WSCD2: variants seen among roughly 807,000 people sequenced by gnomAD.
WSCD2 encodes the protein sialate:O-sulfotransferase 2.
In WSCD2, 28 loss-of-function variants were observed where a neutral mutation model predicts 55.7. That is an observed-to-expected ratio of 0.50 (90% confidence interval 0.37 to 0.69). The LOEUF is 0.69. Among genes scored for constraint, WSCD2 ranks in the 30% least tolerant of loss-of-function variants. The pLI, the probability that WSCD2 is intolerant of heterozygous loss-of-function variation, is 0.00. For synonymous variants in WSCD2, 301 were observed against 301.9 expected (o/e 1.00, Z 0.03); for missense variants, 616 against 762.1 (o/e 0.81, Z 2.26).
intron 8 of WSCD2, among the ~76,000 whole-genome samples, chr12:108,244,865 AT>A (rs1889978845): frequency 6.6e-6 from 1 of 152,008 alleles, no homozygotes; most frequent in Non-Finnish European, 1.5e-5. Flanking sequence ...AAATTTATTT[AT>A]TTTTATATAT....
chr12:108,140,390 G>T (rs1332825040), intron 1 of WSCD2, among the ~76,000 whole-genome samples: 1 of 152,178 alleles, frequency 6.6e-6, no homozygotes, highest in African/African-American at 2.4e-5. Flanking sequence ...ACATCATAGA[G>T]TGGTGAGGCA....
At chr12:108,207,462 C>T (rs543350842) in intron 3 of WSCD2, among the ~76,000 whole-genome samples, 8 of 151,538 alleles carry the variant, frequency 5.3e-5, no homozygotes, top group African/African-American at 1.9e-4. Context: ...CTCCGCCTCC[C>T]GGGTTCAAGC....
chr12:108,232,581 CAAGGA>C, intron 6 of WSCD2, 145 bp from the exon 7 acceptor site: 3 of 695,962 alleles, frequency 4.3e-6, no homozygotes, highest in Non-Finnish European at 7.0e-6. Context: ...AGCTGAGGCC[CAAGGA>C]AGCTTTCCCA....
intron 6 of WSCD2, among the ~76,000 whole-genome samples, chr12:108,229,003 A>G (rs985013300): frequency 2.0e-5 from 3 of 152,226 alleles, no homozygotes; most frequent in Non-Finnish European, 4.4e-5. Context: ...AGGTGGCCAG[A>G]ACAGACACTG....
chr12:108,211,466 C>T (rs1886129470), intron 4 of WSCD2, among the ~76,000 whole-genome samples: 1 of 152,058 alleles, frequency 6.6e-6, no homozygotes, highest in African/African-American at 2.4e-5. Flanking sequence ...ACATTTTGAG[C>T]CTCTGTGGAT....
Position 108,248,558 on chromosome 12 carries a change from TGGCAATGTGG to T in WSCD2, c.*220_*229del, listed in dbSNP as rs1890249414. The T allele has an allele frequency of 7.3e-6, 10 of 1,369,246 alleles. No individual in the cohort carries two copies. The Admixed American group carries it at 1.2e-4, about 17-fold the overall frequency. 84.8% of individuals were successfully genotyped at this position (1,369,246 alleles called of 1,614,324 possible). On this transcript the variant is annotated 3_prime_UTR_variant, in exon 9 of 9. Transcript: ENST00000547525. The surrounding 1 kb of genome is among the most constrained non-coding windows in gnomAD (Gnocchi z 4.3). Reference sequence around the variant, plus strand: ...CCACTCTGCTCACATGTTCCCCCCTTGGCAATGTGGGGCATCTTGTTTAGGGGGTTCTAGT... The same window carrying T: ...CCACTCTGCTCACATGTTCCCCCCTTGGCATCTTGTTTAGGGGGTTCTAGT...
rs778360294 is a variant in WSCD2 at position 108,248,133 on chromosome 12, C to A, written c.1488C>A (p.Ser496Arg). 6 of 1,614,234 alleles carry A rather than the reference C, an allele frequency of 3.7e-6. No homozygotes were observed. In the South Asian group the frequency reaches 5.5e-5, roughly 15 times the overall value. Reference protein sequence around the residue: ...DLFVQLGRMVSLLGVAVREDR... With the variant: ...DLFVQLGRMVRLLGVAVREDR... ...TTGTCCAGCTGGGCCGGATGGTCAG[C>A]CTGCTGGGCGTGGCTGTCAGGGAGG... Residue 496 changes from serine (S) to arginine (R), a missense_variant, in exon 9 of 9, where the codon AGC (serine) becomes AGA (arginine). Transcript: ENST00000547525. The surrounding 1 kb of genome is among the most constrained non-coding windows in gnomAD (Gnocchi z 4.3).
At chr12:108,184,453 C>A (rs17040278) in intron 1 of WSCD2, among the ~76,000 whole-genome samples, 4,722 of 152,236 alleles carry the variant, frequency 0.031, 185 homozygotes, top group African/African-American at 0.095. Flanking sequence ...TGTCACCGTT[C>A]CTAAATTAGA....
chr12:108,229,976 T>C (rs10861881), intron 6 of WSCD2, among the ~76,000 whole-genome samples: 22,052 of 152,152 alleles, frequency 0.14, 1,684 homozygotes, highest in Middle Eastern at 0.16. Flanking sequence ...TTTGCTGTAT[T>C]TACTTTATTG....
chr12:108,242,951 A>G (rs1889864951), intron 8 of WSCD2, among the ~76,000 whole-genome samples: 1 of 152,204 alleles, frequency 6.6e-6, no homozygotes, highest in African/African-American at 2.4e-5. Flanking sequence ...CTGAGATGGG[A>G]GAAGGGATCT....
chr12:108,166,284 C>G (rs1229328996), intron 1 of WSCD2, among the ~76,000 whole-genome samples: 2 of 152,180 alleles, frequency 1.3e-5, no homozygotes, highest in Non-Finnish European at 2.9e-5. Context: ...GAATGAAGAA[C>G]TCAGTAAATG....
intron 7 of WSCD2, chr12:108,233,140 T>C: frequency 2.2e-6 from 1 of 445,392 alleles, no homozygotes; most frequent in Non-Finnish European, 4.0e-6. Flanking sequence ...ATTTGTCAAG[T>C]ACTTATCCTA....
intron 7 of WSCD2, among the ~76,000 whole-genome samples, chr12:108,233,343 C>T (rs1432012057): frequency 3.3e-5 from 5 of 152,198 alleles, no homozygotes; most frequent in African/African-American, 1.2e-4. Flanking sequence ...TTTAAGTCGA[C>T]AATATTCGCT....
intron 1 of WSCD2, among the ~76,000 whole-genome samples, chr12:108,180,815 G>A (rs560142916): frequency 6.6e-6 from 1 of 152,384 alleles, no homozygotes; most frequent in South Asian, 2.1e-4. Context: ...CAAAAATTAT[G>A]AAGAATTTCA....
rs182305834 is a variant in WSCD2 at position 108,186,394 on chromosome 12, C to T, written c.-551-8888C>T. 9.3e-4 allele frequency among the ~76,000 whole-genome samples: 142 copies of T among 152,230 alleles called. 1 individual carries two copies. The highest frequency in any genetic ancestry group is 3.2e-3 in the African/African-American group (134 of 41,528). On this transcript the variant is annotated intron_variant, in intron 1 of 8. Transcript: ENST00000547525. Reference sequence around the variant, plus strand: ...CTCAAGTCTGCAGTGTCCATTAGGGCTCACTCTTGGTGTTGTACCTTCTGT... The same window carrying T: ...CTCAAGTCTGCAGTGTCCATTAGGGTTCACTCTTGGTGTTGTACCTTCTGT...
intron 1 of WSCD2, among the ~76,000 whole-genome samples, chr12:108,160,646 G>T (rs1011288038): frequency 3.3e-5 from 5 of 152,156 alleles, no homozygotes; most frequent in Non-Finnish European, 5.9e-5. Flanking sequence ...CTCTCACCAG[G>T]CCCCACCTGC....
In WSCD2 at chr12:108,250,222, A is replaced by T. The variant is rs1019039498; in HGVS notation, c.*1879A>T. The T allele has an allele frequency of 8.0e-5, 12 of 150,698 alleles. No individual in the cohort carries two copies. The highest frequency in any genetic ancestry group is 1.5e-4 in the Non-Finnish European group (10 of 67,810). 9.3% of individuals were successfully genotyped at this position (150,698 alleles called of 1,614,324 possible). A position where few individuals can be genotyped will look rare whatever the true frequency, so the allele number is the denominator to read the frequency against. On this transcript the variant is annotated 3_prime_UTR_variant, in exon 9 of 9. Coordinates refer to ENST00000547525, the MANE Select transcript of WSCD2 (RefSeq NM_014653.4). Reference sequence around the variant, plus strand: ...TGTATGAGAGAGAGAGAGAGAGACAACAGAGACAGAGAGAGGCAGAGAGGC... The same window carrying T: ...TGTATGAGAGAGAGAGAGAGAGACATCAGAGACAGAGAGAGGCAGAGAGGC...
At chr12:108,239,526 G>A (rs1434736849) in intron 7 of WSCD2, among the ~76,000 whole-genome samples, 1 of 152,140 alleles carries the variant, frequency 6.6e-6, no homozygotes, top group Non-Finnish European at 1.5e-5. Context: ...CTCATGGAGA[G>A]TAAGCAGAAA....
At chr12:108,147,370 G>A (rs749697732) in intron 1 of WSCD2, among the ~76,000 whole-genome samples, 21 of 152,166 alleles carry the variant, frequency 1.4e-4, no homozygotes, top group Non-Finnish European at 2.8e-4. Context: ...AGGCCTTTGG[G>A]TCAGGGTGGG....
Sources: gnomAD v4.1 joint callset for allele counts (sites outside exome capture counted in the v4.1 genomes callset) on GRCh38, gnomAD v4.1.1 for gene constraint, Gnocchi (gnomAD v3.1) non-coding constraint, MANE v1.5 for transcripts, NCBI Gene and HGNC (gene_info 2026-07-23, HGNC 2026-07-21) for gene names.